SLC6A5: variants seen among roughly 807,000 people sequenced by gnomAD.
SLC6A5 encodes the protein solute carrier family 6 member 5.
A neutral mutation model predicts 90.5 loss-of-function variants in SLC6A5; 58 were observed. That is an observed-to-expected ratio of 0.64 (90% confidence interval 0.52 to 0.80). The LOEUF (loss-of-function observed/expected upper bound fraction) is 0.80, where lower values mean the gene tolerates loss of function less well. SLC6A5 is among the 30% of genes least tolerant of loss of function. SLC6A5 has a pLI of 0.00. For missense variants in SLC6A5, 1,015 were observed against 1,017.6 expected, an observed-to-expected ratio of 1.00 and a Z score of 0.03; for synonymous variants, 427 against 401.4, an observed-to-expected ratio of 1.06 and a Z score of -0.76.
chr11:20,650,893 C>G (rs1266303474), intron 14 of SLC6A5, among the ~76,000 whole-genome samples: 1 of 151,448 alleles, frequency 6.6e-6, no homozygotes, highest in African/African-American at 2.4e-5. Context: ...GTCTCGATCT[C>G]CTGACCTCGT....
rs1853423954 is a variant in SLC6A5 at position 20,646,815 on chromosome 11, T to G, written c.1970-19T>G. The G allele has an allele frequency of 1.3e-6, 2 of 1,569,604 alleles. No homozygotes were observed. The highest frequency in any genetic ancestry group is 2.2e-5 in the South Asian group (2 of 90,180). ...CTGCTACTGTGCCTTATACCTGTTC[T>G]CTGCTTGTCTATTTGCAGGCTTGCA... On this transcript the variant is annotated intron_variant, in intron 13 of 15. Transcript: ENST00000525748.
rs139249706 is a variant in SLC6A5 at position 20,637,580 on chromosome 11, C to T, written c.1869+277C>T. 1.2e-3 allele frequency among the ~76,000 whole-genome samples: 183 copies of T among 152,152 alleles called. 3 individuals are homozygous for T. The highest frequency in any genetic ancestry group is 4.3e-3 in the African/African-American group (178 of 41,508). On this transcript the variant is annotated intron_variant, in intron 12 of 15. Coordinates refer to ENST00000525748, the MANE Select transcript of SLC6A5 (RefSeq NM_004211.5). ...TACTTTAAGAAAATAGGTGCAGTGG[C>T]GCATGTCTCTAGTCCCAGCTACTTG... is the stretch of plus-strand genomic sequence containing the variant.
intron 14 of SLC6A5, among the ~76,000 whole-genome samples, chr11:20,647,347 A>G (rs1283403707): frequency 8.3e-5 from 4 of 48,464 alleles, no homozygotes; most frequent in African/African-American, 1.4e-4. Flanking sequence ...ATATATTCCT[A>G]TTATATAGTT....
At position 20,636,379 on chromosome 11, in the gene SLC6A5, T is replaced by C; in HGVS notation, c.1697T>C (p.Ile566Thr). Residue 566 changes from isoleucine (I) to threonine (T), a missense_variant, in exon 11 of 16, where the codon ATC becomes ACC. Transcript: ENST00000525748. Reference protein sequence around the residue: ...RLPLSPFWAIIFFLMLLTLGL... With the variant: ...RLPLSPFWAITFFLMLLTLGL... ...CCTCTCTCTCCGTTCTGGGCCATCA[T>C]CTTTTTCCTGATGCTCCTCACTCTT... The C allele has an allele frequency of 1.2e-6, 2 of 1,613,842 alleles. No homozygotes were observed. The highest frequency in any genetic ancestry group is 1.7e-6 in the Non-Finnish European group (2 of 1,179,732).
At chr11:20,604,993 A>G (rs569065680) in intron 3 of SLC6A5, among the ~76,000 whole-genome samples, 1 of 152,192 alleles carries the variant, frequency 6.6e-6, no homozygotes, top group Non-Finnish European at 1.5e-5. Flanking sequence ...AGTTTCTTTC[A>G]TCTGCCCTAA....
At chr11:20,624,207 G>A (rs986984332) in intron 7 of SLC6A5, among the ~76,000 whole-genome samples, 4 of 151,478 alleles carry the variant, frequency 2.6e-5, no homozygotes, top group African/African-American at 9.7e-5. Context: ...AGGCTGGAGT[G>A]CAGTGGTGTG....
intron 3 of SLC6A5, among the ~76,000 whole-genome samples, chr11:20,605,400 G>T (rs1852559860): frequency 6.6e-6 from 1 of 152,210 alleles, no homozygotes; most frequent in Non-Finnish European, 1.5e-5. Context: ...GCAAAACATA[G>T]GCCACTACTC....
At chr11:20,602,830 A>G (rs1852505646) in intron 2 of SLC6A5, among the ~76,000 whole-genome samples, 1 of 152,134 alleles carries the variant, frequency 6.6e-6, no homozygotes, top group Non-Finnish European at 1.5e-5. Context: ...GTGTTTTTCT[A>G]TGTATATTAT....
rs570973993 is a variant in SLC6A5 at position 20,656,164 on chromosome 11, T to A, written c.*1296T>A. The A allele has an allele frequency of 6.6e-6, 1 of 152,346 alleles. No homozygotes were observed. The highest frequency in any genetic ancestry group is 2.4e-5 in the African/African-American group (1 of 41,590). 9.4% of individuals were successfully genotyped at this position (152,346 alleles called of 1,614,324 possible). A position where few individuals can be genotyped will look rare whatever the true frequency, so the allele number is the denominator to read the frequency against. On this transcript the variant is annotated 3_prime_UTR_variant, in exon 16 of 16. Transcript: ENST00000525748. ...GAAATTGGCAAAGTGTAAACTTTAT[T>A]ATCTTCTTGTATCCTGAACATGCAT...
At position 20,654,522 on chromosome 11, in the gene SLC6A5, T is replaced by C. The variant is rs1792974; in HGVS notation, c.2239-191T>C. 0.86 allele frequency among the ~76,000 whole-genome samples: 130,776 copies of C among 152,236 alleles called. 56,339 individuals carry two copies. Among genetic ancestry groups the C allele is most frequent in the East Asian group, 0.99 (5,160 of 5,190 alleles). ...TCAAGTGAACCAAACTAAGTGTCCT[T>C]TTTAATGTCTCTGGCCTAGTTAATT... On this transcript the variant is annotated intron_variant, in intron 15 of 15. Transcript: ENST00000525748.
intron 13 of SLC6A5, 110 bp downstream of exon 13, chr11:20,638,668 A>C (rs779191544): frequency 2.2e-5 from 17 of 763,346 alleles, no homozygotes; most frequent in Non-Finnish European, 3.8e-5. Flanking sequence ...TTAAATTGCA[A>C]CTATTTAGGA....
At chr11:20,652,039 A>G (rs1853543387) in intron 14 of SLC6A5, among the ~76,000 whole-genome samples, 1 of 152,064 alleles carries the variant, frequency 6.6e-6, no homozygotes. Context: ...GTCTGTATGT[A>G]TACACATGCA....
In SLC6A5 at chr11:20,646,861, A is replaced by G. The variant is rs779149412; in HGVS notation, c.1997A>G (p.Glu666Gly). 1.2e-6 allele frequency: 2 copies of G among 1,613,496 alleles called. No individual in the cohort carries two copies. The highest frequency in any genetic ancestry group is 1.7e-6 in the Non-Finnish European group (2 of 1,179,598). Residue 666 changes from glutamate (E) to glycine (G), a missense_variant, in exon 14 of 16, where the codon GAG becomes GGG. Transcript: ENST00000525748. Reference sequence around the variant, plus strand: ...TTGCAAAGATTCTGTGAAGATATAGAGATGATGATTGGATTCCAGCCTAAC... The same window carrying G: ...TTGCAAAGATTCTGTGAAGATATAGGGATGATGATTGGATTCCAGCCTAAC... Reference protein sequence around the residue: ...YGLQRFCEDIEMMIGFQPNIF... With the variant: ...YGLQRFCEDIGMMIGFQPNIF...
chr11:20,610,433 A>G (rs988964241), intron 5 of SLC6A5, among the ~76,000 whole-genome samples: 13 of 152,244 alleles, frequency 8.5e-5, no homozygotes, highest in Non-Finnish European at 4.4e-5. Context: ...ACAGACATCC[A>G]GAGACGCTCT....
At chr11:20,611,648 T>C (rs945276269) in intron 5 of SLC6A5, among the ~76,000 whole-genome samples, 2 of 152,108 alleles carry the variant, frequency 1.3e-5, no homozygotes, top group African/African-American at 4.8e-5. Flanking sequence ...CTCTTATGAT[T>C]AAACCTCTTT....
Position 20,655,214 on chromosome 11 carries a change from G to T in SLC6A5, c.*346G>T, listed in dbSNP as rs1160479370. 1.0e-4 allele frequency: 37 copies of T among 365,088 alleles called. 1 individual carries two copies. The East Asian group carries it at 2.4e-3, about 23-fold the overall frequency. The allele number at this position is 365,088 out of a possible 1,614,324, so 22.6% of individuals were successfully genotyped here. On this transcript the variant is annotated 3_prime_UTR_variant, in exon 16 of 16. Coordinates refer to ENST00000525748, the MANE Select transcript of SLC6A5 (RefSeq NM_004211.5). ...AGAGGTATCCACTGTGTGATGGCAT[G>T]GGGGGTGCCAGTAAGGCATGTATAG...
At chr11:20,627,720 G>C (rs868281594) in intron 8 of SLC6A5, among the ~76,000 whole-genome samples, 1 of 152,210 alleles carries the variant, frequency 6.6e-6, no homozygotes, top group Non-Finnish European at 1.5e-5. Context: ...CTTTACAGGA[G>C]AGAACATATG....
intron 1 of SLC6A5, 150 bp from the exon 2 acceptor site, chr11:20,600,979 C>G: frequency 2.7e-6 from 2 of 728,032 alleles, no homozygotes; most frequent in South Asian, 3.9e-5. Context: ...ATACTGATTG[C>G]AGCCTTTCTT....
chr11:20,605,916 C>A (rs980728891), intron 3 of SLC6A5, among the ~76,000 whole-genome samples: 3 of 152,226 alleles, frequency 2.0e-5, no homozygotes, highest in African/African-American at 7.2e-5. Flanking sequence ...GCGGCTGCCC[C>A]TGGGCCTTCC....
Sources: gnomAD v4.1 joint callset for allele counts (sites outside exome capture counted in the v4.1 genomes callset) on GRCh38, gnomAD v4.1.1 for gene constraint, MANE v1.5 for transcripts, NCBI Gene and HGNC (gene_info 2026-07-23, HGNC 2026-07-21) for gene names.